Variants in SLC39A10 observed in about 807,000 individuals in gnomAD.
The protein encoded by SLC39A10 is solute carrier family 39 member 10, also known as zinc transporter ZIP10.
Under a neutral mutation model 65.1 loss-of-function variants are expected in SLC39A10, and 13 were observed. The ratio of observed to expected loss-of-function variants is 0.20; its 90% confidence interval spans 0.13 to 0.32. The LOEUF (loss-of-function observed/expected upper bound fraction) is 0.32, where lower values mean the gene tolerates loss of function less well. SLC39A10 is among the 10% of genes least tolerant of loss of function. The probability of loss-of-function intolerance (pLI) is 1.00; values close to 1 mark genes in which losing one functional copy is unlikely to be tolerated. For synonymous variants in SLC39A10, 321 were observed against 342.2 expected (o/e 0.94, Z 0.68); for missense variants, 831 against 1,018.4 (o/e 0.82, Z 2.50).
At chr2:195,695,955 T>G (rs1462257306) in intron 3 of SLC39A10, among the ~76,000 whole-genome samples, 2 of 152,214 alleles carry the variant, frequency 1.3e-5, no homozygotes, top group Non-Finnish European at 2.9e-5. Context: ...TTTGAATTAA[T>G]TTTTATGTAT....
chr2:195,658,262 T>G (rs1689243246), intron 1 of SLC39A10: 1 of 152,294 alleles, frequency 6.6e-6, no homozygotes, highest in Non-Finnish European at 1.5e-5. Flanking sequence ...AAAGAAATGT[T>G]CACGTGGGAG....
intron 2 of SLC39A10, among the ~76,000 whole-genome samples, chr2:195,631,817 C>G (rs780090876): frequency 1.3e-5 from 2 of 152,164 alleles, no homozygotes; most frequent in African/African-American, 2.4e-5. Context: ...CTTCATCTTA[C>G]CATGACTGTA....
At chr2:195,682,865 AAAAAC>A (rs1690379148) in intron 2 of SLC39A10, among the ~76,000 whole-genome samples, 2 of 152,018 alleles carry the variant, frequency 1.3e-5, no homozygotes, top group African/African-American at 4.8e-5. Context: ...AATAAAAAAA[AAAAAC>A]TAAGAAGAAT....
chr2:195,720,834 A>C (rs1338050627), intron 8 of SLC39A10, among the ~76,000 whole-genome samples: 1 of 152,078 alleles, frequency 6.6e-6, no homozygotes, highest in Non-Finnish European at 1.5e-5. Flanking sequence ...CTCTGGTTTT[A>C]TTCTGTTGTA....
intron 1 of SLC39A10, 39 bp downstream of exon 1, chr2:195,657,320 C>T (rs1232875837): frequency 2.2e-6 from 2 of 927,084 alleles, no homozygotes; most frequent in Non-Finnish European, 2.6e-6. Flanking sequence ...TTCCCTCCCC[C>T]AGAACCGGCC....
chr2:195,669,023 C>T (rs1000351017), intron 1 of SLC39A10, among the ~76,000 whole-genome samples: 1 of 149,642 alleles, frequency 6.7e-6, no homozygotes, highest in Non-Finnish European at 1.5e-5. Context: ...TGCAGTGAGC[C>T]GAGATCGTGC....
chr2:195,723,294 A>G lies in SLC39A10; in HGVS notation c.2147-4865A>G, dbSNP rs192786658. 3.3e-4 allele frequency among the ~76,000 whole-genome samples: 51 copies of G among 152,326 alleles called. No individual in the cohort carries two copies. The East Asian group carries it at 8.5e-3, about 25-fold the overall frequency. On this transcript the variant is annotated intron_variant, in intron 8 of 9. Coordinates refer to ENST00000359634, the MANE Select transcript of SLC39A10 (RefSeq NM_020342.3). Reference sequence around the variant, plus strand: ...TGCCGAACTTATGTAGCTGAATTTAAGTTACAATACTACTTTGTCTTATCT... The same window carrying G: ...TGCCGAACTTATGTAGCTGAATTTAGGTTACAATACTACTTTGTCTTATCT...
chr2:195,668,795 G>A (rs1373413839), intron 1 of SLC39A10, among the ~76,000 whole-genome samples: 2 of 152,160 alleles, frequency 1.3e-5, no homozygotes, highest in Admixed American at 1.3e-4. Context: ...ATCGGGCCGG[G>A]TACTGTCGCT....
chr2:195,663,709 AAAG>A (rs1212233530), intron 1 of SLC39A10, among the ~76,000 whole-genome samples: 6 of 107,466 alleles, frequency 5.6e-5, no homozygotes, highest in East Asian at 4.7e-4. Flanking sequence ...TATGAAAAAA[AAAG>A]AAATAAGAGA....
intron 2 of SLC39A10, among the ~76,000 whole-genome samples, chr2:195,621,838 AC>A: frequency 6.6e-6 from 1 of 152,332 alleles, no homozygotes; most frequent in South Asian, 2.1e-4. Context: ...AACATACCAC[AC>A]ATAGGAAATA....
chr2:195,681,397 G>T (rs889271218), intron 2 of SLC39A10, among the ~76,000 whole-genome samples: 1 of 152,064 alleles, frequency 6.6e-6, no homozygotes, highest in African/African-American at 2.4e-5. Context: ...ATGGTGGCGG[G>T]CGCCTGTAGC....
At chr2:195,629,392 CAAAA>C (rs60548307) in intron 2 of SLC39A10, among the ~76,000 whole-genome samples, 1 of 79,760 alleles carries the variant, frequency 1.3e-5, no homozygotes, top group African/African-American at 4.4e-5. Context: ...AGATTCCTTT[CAAAA>C]AAAAAAAAAA....
At chr2:195,688,150 A>G (rs1690596683) in intron 3 of SLC39A10, among the ~76,000 whole-genome samples, 1 of 152,236 alleles carries the variant, frequency 6.6e-6, no homozygotes, top group Admixed American at 6.5e-5. Flanking sequence ...TCTTGGGTAC[A>G]TATAAAGAAA....
chr2:195,703,720 C>T (rs945091166), intron 3 of SLC39A10, among the ~76,000 whole-genome samples: 1 of 152,170 alleles, frequency 6.6e-6, no homozygotes, highest in South Asian at 2.1e-4. Flanking sequence ...GTGGCATGAT[C>T]TTGGCTTACT....
chr2:195,644,741 G>T (rs1373143707), intron 2 of SLC39A10, among the ~76,000 whole-genome samples: 1 of 151,514 alleles, frequency 6.6e-6, no homozygotes, highest in African/African-American at 2.4e-5. Context: ...GGAGGTCATG[G>T]CTGCACTGAG....
intron 2 of SLC39A10, among the ~76,000 whole-genome samples, chr2:195,617,731 T>TTTA (rs1434620981): frequency 6.8e-6 from 1 of 148,072 alleles, no homozygotes; most frequent in Non-Finnish European, 1.5e-5. Context: ...TTTCTTTTAT[T>TTTA]TTATTTTATT....
upstream of SLC39A10, chr2:195,656,906 C>A (rs551490887): frequency 6.6e-6 from 1 of 152,398 alleles, no homozygotes; most frequent in African/African-American, 2.4e-5. Flanking sequence ...CGCCCCAACT[C>A]CCCCGCGGCG....
chr2:195,617,034 C>T (rs1174007300), intron 2 of SLC39A10, among the ~76,000 whole-genome samples: 1 of 152,058 alleles, frequency 6.6e-6, no homozygotes, highest in Non-Finnish European at 1.5e-5. Context: ...TTAAACTTAC[C>T]AATATTTTAC....
intron 2 of SLC39A10, among the ~76,000 whole-genome samples, chr2:195,631,709 ATTATAT>A (rs1688589163): frequency 6.6e-6 from 1 of 152,130 alleles, no homozygotes; most frequent in Non-Finnish European, 1.5e-5. Context: ...AAGCAACTAG[ATTATAT>A]TTATGATGTA....
Sources: gnomAD v4.1 joint callset for allele counts (sites outside exome capture counted in the v4.1 genomes callset) on GRCh38, gnomAD v4.1.1 for gene constraint, MANE v1.5 for transcripts, NCBI Gene and HGNC (gene_info 2026-07-23, HGNC 2026-07-21) for gene names.